AIRIM: variants seen among roughly 807,000 people sequenced by gnomAD.
AIRIM encodes AFG2-interacting ribosome maturation factor.
the AIRIM span, among the ~76,000 whole-genome samples, chr1:37,684,687 G>C: frequency 2.0e-5 from 3 of 152,200 alleles, no homozygotes; most frequent in Admixed American, 2.0e-4. Context: ...GGCTGAATTT[G>C]AGGGCTAGAT....
chr1:37,689,421 G>C, the AIRIM span: 1 of 631,024 alleles, frequency 1.6e-6, no homozygotes, highest in Non-Finnish European at 2.6e-6. Context: ...CTCTGACAAA[G>C]AAAATGCCAG....
At chr1:37,690,371 C>T in the AIRIM span, 10 of 1,289,828 alleles carry the variant, frequency 7.8e-6, no homozygotes, top group Non-Finnish European at 1.0e-5. Context: ...GGATTCCTGG[C>T]GTCCAAGCGC....
At chr1:37,684,683 A>T in the AIRIM span, among the ~76,000 whole-genome samples, 1 of 152,236 alleles carries the variant, frequency 6.6e-6, no homozygotes, top group Admixed American at 6.5e-5. Flanking sequence ...AGGGGGCTGA[A>T]TTTGAGGGCT....
the AIRIM span, among the ~76,000 whole-genome samples, chr1:37,685,200 G>C: frequency 7.9e-6 from 1 of 125,854 alleles, no homozygotes; most frequent in Non-Finnish European, 1.7e-5. Context: ...TTTGGGGGGG[G>C]GGGGTGGGCG....
the AIRIM span, among the ~76,000 whole-genome samples, chr1:37,691,766 T>G: frequency 6.6e-6 from 1 of 152,238 alleles, no homozygotes. Flanking sequence ...TGTGGCCAGC[T>G]GCCAAGCGCC....
At chr1:37,684,970 C>A in the AIRIM span, among the ~76,000 whole-genome samples, 9 of 151,530 alleles carry the variant, frequency 5.9e-5, no homozygotes, top group African/African-American at 2.2e-4. Context: ...CCAGCCTGGT[C>A]AACACAGCAA....
chr1:37,687,809 T>C, the AIRIM span, among the ~76,000 whole-genome samples: 1 of 152,210 alleles, frequency 6.6e-6, no homozygotes. Context: ...TGGGTTCAAA[T>C]GATCCTCTTG....
chr1:37,685,585 A>G, the AIRIM span, among the ~76,000 whole-genome samples: 1 of 151,554 alleles, frequency 6.6e-6, no homozygotes, highest in Non-Finnish European at 1.5e-5. Context: ...ACGGCGTTTC[A>G]CCATGTTGCC....
chr1:37,683,478 T>C, the AIRIM span: 4 of 1,586,520 alleles, frequency 2.5e-6, no homozygotes, highest in South Asian at 1.1e-5. Context: ...AAATGCAGTA[T>C]GCTGAAGTGA....
At chr1:37,690,190 T>C in the AIRIM span, 3 of 1,176,386 alleles carry the variant, frequency 2.6e-6, no homozygotes, top group South Asian at 3.9e-5. Context: ...CTAATTTTTG[T>C]ATTTTTAGTA....
chr1:37,687,321 G>A, the AIRIM span, among the ~76,000 whole-genome samples: 7 of 151,398 alleles, frequency 4.6e-5, no homozygotes, highest in Non-Finnish European at 1.0e-4. Context: ...CAGTAGAGAC[G>A]GGGTTTCTCC....
the AIRIM span, among the ~76,000 whole-genome samples, chr1:37,685,832 G>A: frequency 6.6e-6 from 1 of 152,064 alleles, no homozygotes; most frequent in Non-Finnish European, 1.5e-5. Flanking sequence ...TTACCACAAG[G>A]CCTTTGCATT....
chr1:37,683,510 C>A, the AIRIM span: 1 of 1,526,794 alleles, frequency 6.5e-7, no homozygotes, highest in Non-Finnish European at 8.9e-7. Context: ...CTGGTGAGAA[C>A]CAGAGGGAGC....
At chr1:37,684,448 C>T in the AIRIM span, among the ~76,000 whole-genome samples, 1 of 152,042 alleles carries the variant, frequency 6.6e-6, no homozygotes, top group Non-Finnish European at 1.5e-5. Flanking sequence ...GTGAAACCGC[C>T]TCTCTACTAA....
the AIRIM span, chr1:37,682,155 T>C: frequency 2.6e-5 from 4 of 152,232 alleles, no homozygotes; most frequent in African/African-American, 9.6e-5. Flanking sequence ...TTTTTCTAGT[T>C]TTCCTATGAT....
the AIRIM span, chr1:37,686,395 C>A: frequency 6.2e-7 from 1 of 1,614,178 alleles, no homozygotes. Flanking sequence ...GCTCATAGAT[C>A]TGAAACACTC....
the AIRIM span, chr1:37,683,454 G>T: frequency 6.2e-7 from 1 of 1,610,716 alleles, no homozygotes. Context: ...GGAAGTTAAG[G>T]ACTGCTCAAA....
At chr1:37,684,558 G>A in the AIRIM span, among the ~76,000 whole-genome samples, 1 of 152,214 alleles carries the variant, frequency 6.6e-6, no homozygotes, top group Non-Finnish European at 1.5e-5. Flanking sequence ...GGTGGAGGTT[G>A]CAGTGAGCCA....
the AIRIM span, among the ~76,000 whole-genome samples, chr1:37,684,362 G>A: frequency 1.3e-5 from 2 of 152,166 alleles, no homozygotes; most frequent in Admixed American, 6.5e-5. Flanking sequence ...TAAGCCGGGC[G>A]CGGTGGCTCG....
Sources: gnomAD v4.1 joint callset for allele counts (sites outside exome capture counted in the v4.1 genomes callset) on GRCh38, gnomAD v4.1.1 for gene constraint, MANE v1.5 for transcripts, NCBI Gene and HGNC (gene_info 2026-07-23, HGNC 2026-07-21) for gene names.